Variants in TNS3 observed in about 807,000 individuals in gnomAD.
TNS3 encodes tensin-3.
A neutral mutation model predicts 140.9 loss-of-function variants in TNS3; 45 were observed. The observed-to-expected ratio is 0.32, with a 90% CI of 0.25 to 0.41. TNS3 has a LOEUF of 0.41. TNS3 is among the 10% of genes least tolerant of loss of function. TNS3 has a pLI of 1.00. For missense variants in TNS3, 1,716 were observed against 1,906.7 expected (o/e 0.90, Z 1.86); for synonymous variants, 815 against 788.4 (o/e 1.03, Z -0.56).
At chr7:47,324,743 C>A (rs1190856795) in intron 20 of TNS3, among the ~76,000 whole-genome samples, 1 of 152,152 alleles carries the variant, frequency 6.6e-6, no homozygotes, top group Admixed American at 6.5e-5. Flanking sequence ...CAAAGTGAGA[C>A]TCCATCTAAA....
intron 16 of TNS3, among the ~76,000 whole-genome samples, chr7:47,375,727 C>T (rs1791343515): frequency 6.6e-6 from 1 of 152,204 alleles, no homozygotes; most frequent in Admixed American, 6.5e-5. Flanking sequence ...ACTGTGCTCC[C>T]CGGCATGCTA....
intron 4 of TNS3, among the ~76,000 whole-genome samples, chr7:47,478,316 G>A (rs920026899): frequency 1.3e-5 from 2 of 152,078 alleles, no homozygotes; most frequent in African/African-American, 4.8e-5. Flanking sequence ...TGTAGGTCCA[G>A]GGACCACACC....
intron 1 of TNS3, among the ~76,000 whole-genome samples, chr7:47,575,299 A>T (rs1584869878): frequency 1.3e-5 from 2 of 152,242 alleles, no homozygotes; most frequent in African/African-American, 2.4e-5. Flanking sequence ...TTTAAAATGC[A>T]GGATACAAAA....
intron 17 of TNS3, among the ~76,000 whole-genome samples, chr7:47,349,901 G>A (rs1354744239): frequency 6.6e-6 from 1 of 152,212 alleles, no homozygotes; most frequent in Non-Finnish European, 1.5e-5. Context: ...ATAGAGAAAA[G>A]CCCATTATCA....
At chr7:47,521,113 C>A (rs765244633) in intron 2 of TNS3, among the ~76,000 whole-genome samples, 11 of 152,114 alleles carry the variant, frequency 7.2e-5, no homozygotes, top group Non-Finnish European at 1.3e-4. Flanking sequence ...GGCAGTCGGC[C>A]CAGGGGAGCA....
intron 3 of TNS3, among the ~76,000 whole-genome samples, chr7:47,494,851 G>A (rs761550776): frequency 6.6e-6 from 1 of 152,132 alleles, no homozygotes; most frequent in Non-Finnish European, 1.5e-5. Context: ...TACAAAAGGG[G>A]GGAAGGGGAA....
At chr7:47,422,345 G>A (rs1184735082) in intron 10 of TNS3, among the ~76,000 whole-genome samples, 2 of 152,198 alleles carry the variant, frequency 1.3e-5, no homozygotes, top group Non-Finnish European at 2.9e-5. Context: ...AGGGCATGGT[G>A]GCTCACACGT....
At chr7:47,507,558 G>A (rs1798464817) in intron 2 of TNS3, among the ~76,000 whole-genome samples, 1 of 152,168 alleles carries the variant, frequency 6.6e-6, no homozygotes, top group South Asian at 2.1e-4. Context: ...CTTCCAGAGG[G>A]GCCATTGTGT....
chr7:47,497,198 T>G (rs2151848664), intron 3 of TNS3, among the ~76,000 whole-genome samples: 1 of 152,348 alleles, frequency 6.6e-6, no homozygotes, highest in South Asian at 2.1e-4. Flanking sequence ...CATAGTGATT[T>G]ATGCTAGCGG....
At chr7:47,336,965 C>T (rs1360248479) in intron 20 of TNS3, among the ~76,000 whole-genome samples, 9 of 152,188 alleles carry the variant, frequency 5.9e-5, no homozygotes, top group African/African-American at 7.2e-5. Flanking sequence ...CCACGTCCAA[C>T]CGTGGCAAGC....
intron 2 of TNS3, among the ~76,000 whole-genome samples, chr7:47,507,456 G>A (rs75171583): frequency 2.0e-5 from 3 of 152,142 alleles, no homozygotes; most frequent in East Asian, 1.9e-4. Flanking sequence ...TGAGAAAGTC[G>A]TGCATCTGGA....
chr7:47,493,489 A>G (rs897634887), intron 3 of TNS3, among the ~76,000 whole-genome samples: 2 of 152,156 alleles, frequency 1.3e-5, no homozygotes, highest in African/African-American at 4.8e-5. Flanking sequence ...CATGATGAAC[A>G]GTTTGGGTTT....
intron 1 of TNS3, among the ~76,000 whole-genome samples, chr7:47,546,895 T>C (rs1308479841): frequency 1.3e-5 from 2 of 152,206 alleles, no homozygotes; most frequent in Admixed American, 6.5e-5. Context: ...GCGCTGCGGA[T>C]GGAATGACTA....
At position 47,391,993 on chromosome 7, in the gene TNS3, C is replaced by T. The variant is rs145230600; in HGVS notation, c.1024+4807G>A. 2.8e-3 allele frequency among the ~76,000 whole-genome samples: 430 copies of T among 152,322 alleles called. 1 individual carries two copies. The highest frequency in any genetic ancestry group is 0.023 in the South Asian group (113 of 4,816). On this transcript the variant is annotated intron_variant, in intron 16 of 30. Coordinates refer to ENST00000311160, the MANE Select transcript of TNS3 (RefSeq NM_022748.12). ...TGTACGCCAGAAGGCTACCAGGGTC[C>T]CTGGCCAGTTACTAGCTTTTGATTT... is the stretch of plus-strand genomic sequence containing the variant.
chr7:47,422,719 CA>C lies in TNS3; in HGVS notation c.473+1381del, dbSNP rs913796248. On this transcript the variant is annotated intron_variant, in intron 10 of 30. Coordinates refer to ENST00000311160, the MANE Select transcript of TNS3 (RefSeq NM_022748.12). ...CTGCTGGTGCCGTAAGAAATAAGAA[CA>C]AAAAAAAGAAAAGACGACAGCTGGA... 4.6e-5 allele frequency among the ~76,000 whole-genome samples: 7 copies of C among 151,538 alleles called. 1 individual carries two copies. The highest frequency in any genetic ancestry group is 2.0e-4 in the Admixed American group (3 of 15,218).
intron 23 of TNS3, among the ~76,000 whole-genome samples, chr7:47,299,158 T>A (rs919455950): frequency 6.6e-6 from 1 of 152,198 alleles, no homozygotes; most frequent in African/African-American, 2.4e-5. Flanking sequence ...TTTTTTGAGA[T>A]AGGCTCTCTC....
rs766741715 is a variant in TNS3 at position 47,344,727 on chromosome 7, G to A, written c.2650+28C>T. On this transcript the variant is annotated intron_variant, in intron 20 of 30. Transcript: ENST00000311160. ...GCGATGCAGCGCCTGAGTGCCGCGC[G>A]CCTGTGACCCGCGGGTAGATTTCTT... 4.4e-6 allele frequency: 7 copies of A among 1,599,534 alleles called. No individual in the cohort carries two copies. Among genetic ancestry groups the A allele is most frequent in the Admixed American group, 1.7e-5 (1 of 59,550 alleles).
intron 27 of TNS3, among the ~76,000 whole-genome samples, chr7:47,289,505 C>G (rs1004940924): frequency 3.3e-5 from 5 of 152,172 alleles, no homozygotes; most frequent in African/African-American, 1.2e-4. Context: ...GCATCTAATG[C>G]TGCAAAAGTA....
At chr7:47,351,597 C>G (rs570542319) in intron 17 of TNS3, among the ~76,000 whole-genome samples, 25 of 152,256 alleles carry the variant, frequency 1.6e-4, no homozygotes, top group African/African-American at 6.0e-4. Flanking sequence ...AGAATCCAGT[C>G]AAGGCTCCGG....
Sources: allele counts gnomAD v4.1 joint callset (sites outside exome capture counted in the v4.1 genomes callset), GRCh38; gene constraint gnomAD v4.1.1; transcripts MANE v1.5; gene names NCBI Gene and HGNC (gene_info 2026-07-23, HGNC 2026-07-21).